The following ANK3 variants were observed in gnomAD, a reference collection of about 807,000 sequenced individuals.
The protein encoded by ANK3 is ankyrin 3, also known as ankyrin-3.
In ANK3, 57 loss-of-function variants were observed where a neutral mutation model predicts 370.9. The ratio of observed to expected loss-of-function variants is 0.15; its 90% confidence interval spans 0.12 to 0.19. The LOEUF is 0.19. ANK3 is among the 10% of genes least tolerant of loss of function. The pLI, the probability that ANK3 is intolerant of heterozygous loss-of-function variation, is 1.00. For synonymous variants in ANK3, 1,929 were observed against 1,946.3 expected, an observed-to-expected ratio of 0.99 and a Z score of 0.23; for missense variants, 4,439 against 5,302.1, an observed-to-expected ratio of 0.84 and a Z score of 5.06.
At chr10:60,091,268 C>T (rs1299279173) in intron 28 of ANK3, among the ~76,000 whole-genome samples, 1 of 152,184 alleles carries the variant, frequency 6.6e-6, no homozygotes, top group Non-Finnish European at 1.5e-5. Flanking sequence ...GGAATGGTTA[C>T]ATAAGTAACA....
intron 2 of ANK3, among the ~76,000 whole-genome samples, chr10:60,481,666 G>T (rs867879269): frequency 2.0e-5 from 3 of 152,200 alleles, no homozygotes; most frequent in African/African-American, 7.2e-5. Context: ...GTTTCACCAT[G>T]TTGGCCAGGC....
At chr10:60,299,540 C>T (rs752986029) in intron 1 of ANK3, among the ~76,000 whole-genome samples, 1 of 152,146 alleles carries the variant, frequency 6.6e-6, no homozygotes, top group Non-Finnish European at 1.5e-5. Flanking sequence ...AACTGTGTAA[C>T]ATCACACAGT....
intron 25 of ANK3, among the ~76,000 whole-genome samples, chr10:60,116,805 A>G (rs950103516): frequency 6.6e-6 from 1 of 152,120 alleles, no homozygotes; most frequent in Non-Finnish European, 1.5e-5. Flanking sequence ...AAAGGAAAAT[A>G]AATCAAGGAA....
At chr10:60,622,525 G>A (rs1280319844) in intron 1 of ANK3, among the ~76,000 whole-genome samples, 1 of 152,152 alleles carries the variant, frequency 6.6e-6, no homozygotes, top group South Asian at 2.1e-4. Flanking sequence ...ACAGGAGTGA[G>A]CCACCGTGCC....
At chr10:60,166,540 A>C (rs2095628580) in intron 23 of ANK3, 51 bp downstream of exon 23, 4 of 1,341,756 alleles carry the variant, frequency 3.0e-6, no homozygotes, top group Non-Finnish European at 4.3e-6. Flanking sequence ...AAGAAATGAA[A>C]GATAAAGTTG....
chr10:60,724,131 A>G lies in ANK3; in HGVS notation c.57+9132T>C, dbSNP rs1460104330. Reference sequence around the variant, plus strand: ...AGGCTGAGGCAGGAAAATGGCGTGAACCCGGGAGGCGGAGCTTGCAGTGAG... The same window carrying G: ...AGGCTGAGGCAGGAAAATGGCGTGAGCCCGGGAGGCGGAGCTTGCAGTGAG... On this transcript the variant is annotated intron_variant, in intron 1 of 43. Coordinates refer to the ANK3 transcript ENST00000373827. Among the ~76,000 whole-genome samples the G allele has an allele frequency of 4.6e-4, 55 of 119,924 alleles. 2 individuals carry two copies. The highest frequency in any genetic ancestry group is 4.8e-3 in the Middle Eastern group (1 of 210). 78.7% of individuals were successfully genotyped at this position (119,924 alleles called of 152,430 possible).
chr10:60,460,240 C>T (rs1440054260), intron 2 of ANK3, among the ~76,000 whole-genome samples: 1 of 152,242 alleles, frequency 6.6e-6, no homozygotes, highest in Admixed American at 6.5e-5. Flanking sequence ...CCGTCAGGAG[C>T]AAACCCTTTG....
chr10:60,155,795 C>T (rs1406548933), intron 23 of ANK3, among the ~76,000 whole-genome samples: 1 of 152,168 alleles, frequency 6.6e-6, no homozygotes, highest in Non-Finnish European at 1.5e-5. Flanking sequence ...CATCTTTCTC[C>T]CATGCTGGAT....
intron 2 of ANK3, among the ~76,000 whole-genome samples, chr10:60,407,533 T>C (rs373893433): frequency 7.9e-4 from 120 of 152,326 alleles, no homozygotes; most frequent in African/African-American, 2.7e-3. Context: ...ATAGCAATAA[T>C]AGATCCATTT....
chr10:60,432,996 C>G (rs762133423), intron 2 of ANK3, among the ~76,000 whole-genome samples: 1 of 152,180 alleles, frequency 6.6e-6, no homozygotes, highest in Non-Finnish European at 1.5e-5. Flanking sequence ...GCGATAGAGT[C>G]CCTTTGAGAC....
At chr10:60,666,752 T>C (rs1239140776) in intron 1 of ANK3, among the ~76,000 whole-genome samples, 1 of 152,188 alleles carries the variant, frequency 6.6e-6, no homozygotes, top group Non-Finnish European at 1.5e-5. Flanking sequence ...TTCACTGAAT[T>C]CCAGTGTGAT....
Position 60,408,574 on chromosome 10 carries a change from C to A in ANK3, c.97-128935G>T, listed in dbSNP as rs1435179513. Among the ~76,000 whole-genome samples the A allele has an allele frequency of 2.0e-5, 3 of 152,166 alleles. No individual in the cohort carries two copies. The East Asian group carries it at 5.8e-4, about 29-fold the overall frequency. On this transcript the variant is annotated intron_variant, in intron 2 of 43. Transcript: ENST00000373827. Reference sequence around the variant, plus strand: ...TAAACCTCTTTTCTTATAAATGACCCAGTCTCAGGCATTTCTTTATAGCAA... The same window carrying A: ...TAAACCTCTTTTCTTATAAATGACCAAGTCTCAGGCATTTCTTTATAGCAA...
intron 28 of ANK3, among the ~76,000 whole-genome samples, chr10:60,100,808 G>C (rs916272548): frequency 6.6e-6 from 1 of 152,084 alleles, no homozygotes; most frequent in Non-Finnish European, 1.5e-5. Context: ...CAATTTTTGT[G>C]TTAAAACAAA....
At chr10:60,493,087 A>T (rs2075564702) in intron 2 of ANK3, among the ~76,000 whole-genome samples, 1 of 151,636 alleles carries the variant, frequency 6.6e-6, no homozygotes, top group Admixed American at 6.6e-5. Context: ...CTCAAAAAAA[A>T]AAAAAAAAAA....
intron 1 of ANK3, among the ~76,000 whole-genome samples, chr10:60,706,532 C>CA (rs111815151): frequency 0.017 from 2,531 of 146,352 alleles, 61 homozygotes; most frequent in African/African-American, 0.056. Context: ...TGCTCCTAAC[C>CA]AAAAAAAAAA....
chr10:60,242,075 T>G (rs1013993454), intron 7 of ANK3, among the ~76,000 whole-genome samples: 20 of 152,214 alleles, frequency 1.3e-4, no homozygotes, highest in Admixed American at 3.9e-4. Context: ...CCTTTTTTCT[T>G]TTGTAGTTTA....
chr10:60,180,633 G>C (rs1565506514), intron 18 of ANK3, among the ~76,000 whole-genome samples: 1 of 111,756 alleles, frequency 8.9e-6, no homozygotes, highest in Non-Finnish European at 1.9e-5. Context: ...AAACATGTTA[G>C]AGTAGATGAC....
chr10:60,167,277 C>T lies in ANK3; in HGVS notation c.2479-381G>A, dbSNP rs184940229. On this transcript the variant is annotated intron_variant, in intron 21 of 43. Transcript: ENST00000280772. ...GGCTGAAGAGAAGCCAAATGAGCTG[C>T]AAGAAATATGTCTCTATTACTTGTG... 1.1e-3 allele frequency among the ~76,000 whole-genome samples: 166 copies of T among 152,326 alleles called. 2 individuals carry two copies. Among genetic ancestry groups the T allele is most frequent in the African/African-American group, 3.6e-3 (150 of 41,576 alleles).
At chr10:60,534,714 T>C (rs1327529746) in intron 2 of ANK3, among the ~76,000 whole-genome samples, 1 of 152,156 alleles carries the variant, frequency 6.6e-6, no homozygotes, top group Non-Finnish European at 1.5e-5. Context: ...TTAGTATATG[T>C]GAGAAAACTG....
Sources: allele counts gnomAD v4.1 joint callset (sites outside exome capture counted in the v4.1 genomes callset), GRCh38; gene constraint gnomAD v4.1.1; transcripts MANE v1.5; gene names NCBI Gene and HGNC (gene_info 2026-07-23, HGNC 2026-07-21).